Variants in ITGA1 observed in about 807,000 individuals in gnomAD.
ITGA1 encodes integrin subunit alpha 1, also known as integrin alpha-1.
ITGA1 carries 85 observed loss-of-function variants against 145.9 expected under a neutral mutation model. The ratio of observed to expected loss-of-function variants is 0.58; its 90% CI spans 0.49 to 0.70. The LOEUF is 0.70. Ranked by LOEUF, ITGA1 falls within the 30% of genes least tolerant of loss-of-function variation. The probability of loss-of-function intolerance (pLI) is 0.00; values close to 1 mark genes in which losing one functional copy is unlikely to be tolerated. For synonymous variants in ITGA1, 520 were observed against 495.3 expected (o/e 1.05, Z -0.66); for missense variants, 1,351 against 1,418.7 (o/e 0.95, Z 0.77).
chr5:52,831,482 TC>T (rs891316186), intron 1 of ITGA1, among the ~76,000 whole-genome samples: 9 of 152,096 alleles, frequency 5.9e-5, no homozygotes, highest in African/African-American at 2.2e-4. Flanking sequence ...GATACCTGTT[TC>T]TAATGACTTT....
At chr5:52,799,954 T>A (rs1470053972) in intron 1 of ITGA1, 36 of 207,846 alleles carry the variant, frequency 1.7e-4, no homozygotes. Flanking sequence ...CACCACTCTG[T>A]GCACCTTCTT....
chr5:52,834,582 A>AG (rs70974475), intron 1 of ITGA1, among the ~76,000 whole-genome samples: 2 of 149,764 alleles, frequency 1.3e-5, no homozygotes, highest in Non-Finnish European at 3.0e-5. Context: ...AGAAAGAAAG[A>AG]AAGAGAGAGA....
chr5:52,851,027 A>G (rs73756271), intron 2 of ITGA1, among the ~76,000 whole-genome samples: 16,406 of 152,258 alleles, frequency 0.11, 939 homozygotes, highest in Non-Finnish European at 0.11. Context: ...ATAAACACAT[A>G]TAAAAGTTAA....
At chr5:52,820,011 G>A (rs1279685952) in intron 1 of ITGA1, among the ~76,000 whole-genome samples, 2 of 151,498 alleles carry the variant, frequency 1.3e-5, no homozygotes, top group Non-Finnish European at 2.9e-5. Flanking sequence ...CTATATCTCT[G>A]TTTTGGTACC....
At position 52,911,686 on chromosome 5, in the gene ITGA1, T is replaced by TATACATATAGTGTATCTACTATATAC. The variant is rs1750543112; in HGVS notation, c.1857+1268_1857+1269insTACATATAGTGTATCTACTATATACA. 1.9e-4 allele frequency among the ~76,000 whole-genome samples: 10 copies of TATACATATAGTGTATCTACTATATAC among 51,796 alleles called. 4 individuals are homozygous for TATACATATAGTGTATCTACTATATAC. Among genetic ancestry groups the TATACATATAGTGTATCTACTATATAC allele is most frequent in the Non-Finnish European group, 3.0e-4 (6 of 20,076 alleles). 34.0% of individuals were successfully genotyped at this position (51,796 alleles called of 152,430 possible). ...ATACATATAGTGTATCTACTATATA[T>TATACATATAGTGTATCTACTATATAC]ACTATACATATAGTGTATCTACTAT... On this transcript the variant is annotated intron_variant, in intron 14 of 28. Transcript: ENST00000282588.
chr5:52,803,979 T>A (rs3828594), intron 1 of ITGA1: 1 of 152,128 alleles, frequency 6.6e-6, no homozygotes, highest in African/African-American at 2.4e-5. Context: ...CTATAAAACC[T>A]CTATAAATTT....
At chr5:52,886,832 G>A (rs908604149) in intron 7 of ITGA1, among the ~76,000 whole-genome samples, 1 of 152,140 alleles carries the variant, frequency 6.6e-6, no homozygotes, top group Non-Finnish European at 1.5e-5. Flanking sequence ...AGGCTGGAAT[G>A]CAGTGGCGCG....
chr5:52,949,945 T>C (rs139871116), intron 28 of ITGA1, among the ~76,000 whole-genome samples: 194 of 152,294 alleles, frequency 1.3e-3, no homozygotes, highest in African/African-American at 4.5e-3. Flanking sequence ...TTGGAGTTCA[T>C]TGGAACTCCC....
chr5:52,820,744 T>C (rs1748865970), intron 1 of ITGA1, among the ~76,000 whole-genome samples: 1 of 152,168 alleles, frequency 6.6e-6, no homozygotes, highest in South Asian at 2.1e-4. Flanking sequence ...AAGCATTTAG[T>C]TCTCTCCCGA....
intron 28 of ITGA1, among the ~76,000 whole-genome samples, chr5:52,951,907 C>G (rs10471826): frequency 4.6e-5 from 7 of 151,914 alleles, no homozygotes; most frequent in African/African-American, 1.7e-4. Context: ...AAAATGAAAC[C>G]GCGGCCCGGC....
chr5:52,884,610 AC>A (rs1387283210), intron 7 of ITGA1, among the ~76,000 whole-genome samples: 1 of 152,210 alleles, frequency 6.6e-6, no homozygotes, highest in Non-Finnish European at 1.5e-5. Context: ...TACAGTGAGG[AC>A]AAGTGGGCAT....
intron 1 of ITGA1, among the ~76,000 whole-genome samples, chr5:52,808,589 G>C (rs771352333): frequency 6.7e-6 from 1 of 149,942 alleles, no homozygotes; most frequent in African/African-American, 2.5e-5. Flanking sequence ...CATTTGATCT[G>C]ATGACCATAA....
intron 21 of ITGA1, among the ~76,000 whole-genome samples, chr5:52,930,430 C>T (rs186252143): frequency 1.6e-4 from 25 of 152,112 alleles, no homozygotes; most frequent in African/African-American, 5.8e-4. Flanking sequence ...TTGAGTTAGT[C>T]ACTGTAAGGA....
In ITGA1 at chr5:52,956,104, G is replaced by C. The variant is rs1751299976; in HGVS notation, c.*3653G>C. The C allele has an allele frequency of 6.6e-6, 1 of 152,110 alleles. No homozygotes were observed. Among genetic ancestry groups the C allele is most frequent in the East Asian group, 1.9e-4 (1 of 5,180 alleles). 9.4% of individuals were successfully genotyped at this position (152,110 alleles called of 1,614,324 possible). A position where few individuals can be genotyped will look rare whatever the true frequency, so the allele number is the denominator to read the frequency against. On this transcript the variant is annotated 3_prime_UTR_variant, in exon 29 of 29. Coordinates refer to ENST00000282588, the MANE Select transcript of ITGA1 (RefSeq NM_181501.2). ...GTTGTGATCAATGGAGTAAAGCTGGGGTATAGTAGAGGCTGGGGAATCCCT... is the reference window on the plus strand; with the variant it reads ...GTTGTGATCAATGGAGTAAAGCTGGCGTATAGTAGAGGCTGGGGAATCCCT...
chr5:52,911,558 GTATCTAC>G (rs1561246338), intron 14 of ITGA1, among the ~76,000 whole-genome samples: 39 of 56,358 alleles, frequency 6.9e-4, no homozygotes, highest in Non-Finnish European at 1.4e-3. Flanking sequence ...TATATATAGT[GTATCTAC>G]TATATATACT....
At chr5:52,816,703 G>T (rs1269936559) in intron 1 of ITGA1, among the ~76,000 whole-genome samples, 2 of 152,126 alleles carry the variant, frequency 1.3e-5, no homozygotes, top group African/African-American at 2.4e-5. Context: ...AGGTCTCAGG[G>T]CCCATTGCCT....
At chr5:52,912,237 G>A (rs368703710) in intron 14 of ITGA1, among the ~76,000 whole-genome samples, 21 of 141,280 alleles carry the variant, frequency 1.5e-4, no homozygotes, top group East Asian at 8.6e-4. Context: ...TGTATCTAGT[G>A]TATCTACAAT....
At chr5:52,929,439 G>A (rs1480379281) in intron 20 of ITGA1, among the ~76,000 whole-genome samples, 186 bp from the exon 21 acceptor site, 2 of 152,018 alleles carry the variant, frequency 1.3e-5, no homozygotes, top group African/African-American at 2.4e-5. Flanking sequence ...CATTCACATT[G>A]AAAAAGAATA....
At chr5:52,795,129 T>A (rs1261763479) in intron 1 of ITGA1, among the ~76,000 whole-genome samples, 3 of 151,936 alleles carry the variant, frequency 2.0e-5, no homozygotes, top group Non-Finnish European at 4.4e-5. Flanking sequence ...AAACTCTGAA[T>A]TAAAGAAAAA....
Sources: allele counts gnomAD v4.1 joint callset (sites outside exome capture counted in the v4.1 genomes callset), GRCh38; gene constraint gnomAD v4.1.1; transcripts MANE v1.5; gene names NCBI Gene and HGNC (gene_info 2026-07-23, HGNC 2026-07-21).